P3H2: variants seen among roughly 807,000 people sequenced by gnomAD.
The protein encoded by P3H2 is leprecan-like 1.
Under a neutral mutation model 87.0 loss-of-function variants are expected in P3H2, and 80 were observed. That is an observed-to-expected ratio of 0.92 (90% CI 0.77 to 1.11). The LOEUF is 1.11. Among genes scored for constraint, P3H2 ranks in the 50% least tolerant of loss-of-function variants. The probability of loss-of-function intolerance (pLI) is 0.00; values close to 1 mark genes in which losing one functional copy is unlikely to be tolerated. For missense variants in P3H2, 1,001 were observed against 923.9 expected (o/e 1.08, Z -1.08); for synonymous variants, 367 against 359.3 (o/e 1.02, Z -0.24).
At chr3:189,960,939 C>T (rs1411891235) in intron 14 of P3H2, among the ~76,000 whole-genome samples, 1 of 144,120 alleles carries the variant, frequency 6.9e-6, no homozygotes. Context: ...ATAAGGAAAA[C>T]AATCTTTTTT....
chr3:190,072,903 T>A (rs1387928173), intron 1 of P3H2, among the ~76,000 whole-genome samples: 1 of 152,244 alleles, frequency 6.6e-6, no homozygotes, highest in Non-Finnish European at 1.5e-5. Context: ...TGCTTCTCTA[T>A]ATTTTGCAAA....
intron 1 of P3H2, among the ~76,000 whole-genome samples, chr3:190,114,552 G>T (rs1013553607): frequency 2.6e-5 from 4 of 152,122 alleles, no homozygotes; most frequent in South Asian, 2.1e-4. Context: ...GACTGGTAAG[G>T]AGCTGACCAG....
In P3H2 at chr3:190,022,362, C is replaced by A. The variant is rs74725633; in HGVS notation, c.481-26920G>T. ...TGTGCATTCAAGAAAACAGATCCAG[C>A]CAGGGGACCAAAATGTTCAGCCCAA... On this transcript the variant is annotated intron_variant, in intron 1 of 14. Coordinates refer to ENST00000319332, the MANE Select transcript of P3H2 (RefSeq NM_018192.4). 7.1e-3 allele frequency among the ~76,000 whole-genome samples: 962 copies of A among 135,060 alleles called. 145 individuals carry two copies. Among genetic ancestry groups the A allele is most frequent in the African/African-American group, 0.024 (941 of 39,156 alleles). 88.6% of individuals were successfully genotyped at this position (135,060 alleles called of 152,430 possible). A position where few individuals can be genotyped will look rare whatever the true frequency, so the allele number is the denominator to read the frequency against.
At chr3:190,099,785 A>C (rs569293217) in intron 1 of P3H2, among the ~76,000 whole-genome samples, 13 of 152,376 alleles carry the variant, frequency 8.5e-5, no homozygotes, top group African/African-American at 2.6e-4. Context: ...AGAAAGTTGA[A>C]TGTTAACCAC....
intron 1 of P3H2, among the ~76,000 whole-genome samples, chr3:190,083,244 C>A (rs1303797517): frequency 6.6e-6 from 1 of 152,144 alleles, no homozygotes; most frequent in African/African-American, 2.4e-5. Context: ...CGGGAAAGAC[C>A]TGCAGAAGGG....
chr3:190,111,806 T>C (rs1712078824), intron 1 of P3H2, among the ~76,000 whole-genome samples: 1 of 152,204 alleles, frequency 6.6e-6, no homozygotes, highest in Non-Finnish European at 1.5e-5. Flanking sequence ...GATGCATGGA[T>C]TCTTGCCATA....
Position 189,970,874 on chromosome 3 carries a change from T to C in P3H2, c.1835A>G (p.Asn612Ser). Residue 612 changes from asparagine to serine, a missense_variant, in exon 13 of 15, where the codon AAT becomes AGT. Physicochemically the swap from Asn to Ser is conservative, Grantham distance 46 (BLOSUM62 1). Coordinates refer to ENST00000319332, the MANE Select transcript of P3H2 (RefSeq NM_018192.4). Reference protein sequence around the residue: ...FRDYSALLYMNDDFEGGEFIF... With the variant: ...FRDYSALLYMSDDFEGGEFIF... ...GAATTCTCCTCCTTCAAAGTCATCA[T>C]TCATATATAGGAGAGCACTATAAGA... 5 of 1,573,808 alleles carry C rather than the reference T, an allele frequency of 3.2e-6. No homozygotes were observed. Among genetic ancestry groups the C allele is most frequent in the Non-Finnish European group, 4.4e-6 (5 of 1,143,400 alleles).
intron 1 of P3H2, among the ~76,000 whole-genome samples, chr3:189,997,457 T>G (rs1415359402): frequency 1.3e-5 from 2 of 152,210 alleles, no homozygotes; most frequent in East Asian, 3.8e-4. Context: ...CAGAATGGCA[T>G]GTAAGATTCA....
intron 1 of P3H2, among the ~76,000 whole-genome samples, chr3:190,070,743 T>C (rs980802477): frequency 1.3e-5 from 2 of 152,238 alleles, no homozygotes; most frequent in Non-Finnish European, 2.9e-5. Flanking sequence ...CAACACATTG[T>C]CTGCCTGAAA....
At position 190,120,273 on chromosome 3, in the gene P3H2, G is replaced by A. The variant is rs749978643; in HGVS notation, c.459C>T (p.Tyr153=). 9 of 1,611,176 alleles carry A rather than the reference G, an allele frequency of 5.6e-6. No homozygotes were observed. The highest frequency in any genetic ancestry group is 7.6e-6 in the Non-Finnish European group (9 of 1,179,460). Reference sequence around the variant, plus strand: ...GTACCTTGATGTAGGCCCGCTGCAGGTAGTTGTAGGGCACTCTGCGCTGGA... The same window carrying A: ...GTACCTTGATGTAGGCCCGCTGCAGATAGTTGTAGGGCACTCTGCGCTGGA... ...SDFQRRVPYN[Y]LQRAYIKLNQ... is the part of the protein sequence containing the mutation. Residue 153 remains tyrosine, a synonymous_variant, in exon 1 of 15, where the codon TAC becomes TAT. Coordinates refer to ENST00000319332, the MANE Select transcript of P3H2 (RefSeq NM_018192.4).
intron 1 of P3H2, among the ~76,000 whole-genome samples, chr3:190,033,065 G>A (rs572342063): frequency 6.6e-6 from 1 of 152,326 alleles, no homozygotes; most frequent in South Asian, 2.1e-4. Flanking sequence ...GATCTCATAA[G>A]GAACTCGGAA....
At chr3:189,995,254 C>T (rs1724014721) in intron 2 of P3H2, 36 bp downstream of exon 2, 2 of 1,610,636 alleles carry the variant, frequency 1.2e-6, no homozygotes, top group South Asian at 1.1e-5. Context: ...GAGCACTTAG[C>T]TCCCTGTGGT....
chr3:189,989,701 A>C (rs1723820296), intron 3 of P3H2, among the ~76,000 whole-genome samples: 1 of 152,178 alleles, frequency 6.6e-6, no homozygotes, highest in Non-Finnish European at 1.5e-5. Flanking sequence ...TTTACCAGAG[A>C]CTGGTAAAAC....
intron 1 of P3H2, among the ~76,000 whole-genome samples, chr3:190,004,571 A>G (rs1214305915): frequency 2.0e-5 from 3 of 151,756 alleles, no homozygotes; most frequent in African/African-American, 7.3e-5. Flanking sequence ...TTTAGTAGAG[A>G]CGGGGTTTCA....
intron 1 of P3H2, among the ~76,000 whole-genome samples, chr3:190,024,325 TCAGGAGTTCGAGAC>T (rs1022535003): frequency 1.3e-5 from 2 of 151,262 alleles, no homozygotes; most frequent in African/African-American, 4.8e-5. Context: ...GTTCACGAGG[TCAGGAGTTCGAGAC>T]CAGCGTGTCC....
At chr3:190,030,239 A>G (rs775308494) in intron 1 of P3H2, among the ~76,000 whole-genome samples, 1 of 152,202 alleles carries the variant, frequency 6.6e-6, no homozygotes, top group African/African-American at 2.4e-5. Flanking sequence ...AAAAAATACA[A>G]AATTTCACTG....
intron 1 of P3H2, among the ~76,000 whole-genome samples, chr3:190,041,314 T>C (rs1007208633): frequency 9.5e-5 from 14 of 147,962 alleles, no homozygotes; most frequent in Admixed American, 4.1e-4. Flanking sequence ...AAATTTGTGT[T>C]TACATAAGTT....
intron 1 of P3H2, among the ~76,000 whole-genome samples, chr3:190,030,723 T>C (rs1725225687): frequency 6.6e-6 from 1 of 152,144 alleles, no homozygotes; most frequent in South Asian, 2.1e-4. Flanking sequence ...AAATTTATAA[T>C]AACTAAAATA....
intron 14 of P3H2, among the ~76,000 whole-genome samples, chr3:189,959,688 G>A (rs181227095): frequency 2.9e-3 from 437 of 151,924 alleles, no homozygotes; most frequent in African/African-American, 9.2e-3. Flanking sequence ...TATATTCTAC[G>A]CTTTCTTTTA....
Sources: gnomAD v4.1 joint callset for allele counts (sites outside exome capture counted in the v4.1 genomes callset) on GRCh38, gnomAD v4.1.1 for gene constraint, MANE v1.5 for transcripts, NCBI Gene and HGNC (gene_info 2026-07-23, HGNC 2026-07-21) for gene names.